KRT6A: variants seen among roughly 807,000 people sequenced by gnomAD.
The protein encoded by KRT6A is keratin, type II cytoskeletal 6A.
Under a neutral mutation model 48.6 loss-of-function variants are expected in KRT6A, and 28 were observed. That is an observed-to-expected ratio of 0.58 (90% CI 0.43 to 0.79). The LOEUF (loss-of-function observed/expected upper bound fraction) is 0.79, where lower values mean the gene tolerates loss of function less well. KRT6A is among the 30% of genes least tolerant of loss of function. KRT6A has a pLI of 0.00. For synonymous variants in KRT6A, 301 were observed against 294.2 expected, an observed-to-expected ratio of 1.02 and a Z score of -0.24; for missense variants, 687 against 724.3, an observed-to-expected ratio of 0.95 and a Z score of 0.59.
rs1289282820 is a variant in KRT6A, at chr12:52,488,548, A to C, written c.1204T>G (p.Cys402Gly). The part of the protein sequence containing the change: ...RSEIDHVKKQ[C>G]ANLQAAIADA... The stretch of plus-strand genomic sequence containing the variant: ...GCAATGGCGGCCTGCAGGTTGGCGC[A>C]CTGGAAGAGGAAAGGAATAGAAGAA... The change falls in exon 7 of 9, where the codon TGC becomes GGC. Residue 402 changes from cysteine (C) to glycine (G), a missense_variant and splice_region_variant. Cys to Gly is a radical substitution (Grantham distance 159). Transcript: ENST00000330722. 2 of 1,614,038 alleles carry C rather than the reference A, an allele frequency of 1.2e-6. No homozygotes were observed. Among genetic ancestry groups the C allele is most frequent in the Non-Finnish European group, 1.7e-6 (2 of 1,180,030 alleles).
Position 52,492,699 on chromosome 12 carries a change from G to T in KRT6A, c.490C>A (p.Arg164Ser). The T allele has an allele frequency of 1.2e-6, 2 of 1,614,014 alleles. No individual in the cohort carries two copies. Among genetic ancestry groups the T allele is most frequent in the Non-Finnish European group, 1.7e-6 (2 of 1,179,956 alleles). Reference sequence around the variant, plus strand: ...TTGTTGAGGGTCTTGATCTGTTCACGCTCCTCAGCCCGCACCCGCTGGATG... The same window carrying T: ...TTGTTGAGGGTCTTGATCTGTTCACTCTCCTCAGCCCGCACCCGCTGGATG... ...PTIQRVRAEE[R>S]EQIKTLNNKF... Residue 164 changes from arginine to serine, a missense_variant, in exon 1 of 9, where the codon CGT (arginine) becomes AGT (serine). Arg to Ser is a moderately radical substitution (Grantham distance 110). Around this residue, in one of 3 missense-constraint regions of KRT6A, gnomAD observed 566 missense variants for 565.3 expected, o/e 1.00. Coordinates refer to ENST00000330722, the MANE Select transcript of KRT6A (RefSeq NM_005554.4).
At position 52,491,103 on chromosome 12, in the gene KRT6A, T is replaced by C. The variant is rs1430908926; in HGVS notation, c.816+9A>G. On this transcript the variant is annotated intron_variant, in intron 3 of 8. Coordinates refer to ENST00000330722, the MANE Select transcript of KRT6A (RefSeq NM_005554.4). ...AAATGAATTTGAACCCCCGGCTTCA[T>C]CTGCTCACCTTCTTCAGAGTCACAA... 6.2e-7 allele frequency: 1 copy of C among 1,613,866 alleles called. No individual in the cohort carries two copies. The highest frequency in any genetic ancestry group is 1.3e-5 in the African/African-American group (1 of 74,916).
chr12:52,492,772 G>C lies in KRT6A; in HGVS notation c.417C>G (p.Thr139=), dbSNP rs1707768. The part of the protein sequence containing the change: ...VCPPGGIQEV[T]VNQSLLTPLN... ...GGGGAGTCAGGAGACTCTGGTTGAC[G>C]GTGACCTCTTGGATGCCTCCAGGGG... The change falls in exon 1 of 9, where the codon ACC becomes ACG. Residue 139 remains threonine, a synonymous_variant. Coordinates refer to ENST00000330722, the MANE Select transcript of KRT6A (RefSeq NM_005554.4). 6.2e-7 allele frequency: 1 copy of C among 1,613,374 alleles called. No individual in the cohort carries two copies. The highest frequency in any genetic ancestry group is 8.5e-7 in the Non-Finnish European group (1 of 1,179,682).
chr12:52,489,840 T>G, intron 6 of KRT6A, 103 bp downstream of exon 6: 1 of 1,587,798 alleles, frequency 6.3e-7, no homozygotes, highest in Non-Finnish European at 8.6e-7. Context: ...CTCCTCTCCC[T>G]GGTTTTGATA....
intron 5 of KRT6A, chr12:52,490,366 G>T: frequency 2.0e-6 from 2 of 991,270 alleles, no homozygotes; most frequent in Non-Finnish European, 3.0e-6. Context: ...CCTTGTCTAT[G>T]GTAGCTTTCC....
intron 6 of KRT6A, among the ~76,000 whole-genome samples, chr12:52,489,340 G>A (rs1311655689): frequency 3.3e-5 from 5 of 152,020 alleles, no homozygotes; most frequent in Admixed American, 2.6e-4. Context: ...GTGCAGTGGC[G>A]CGGTATCGAC....
chr12:52,487,840 A>G lies in KRT6A; in HGVS notation c.1575T>C (p.Gly525=), dbSNP rs1053718. Reference sequence around the variant, plus strand: ...CTCTGCCACTGCTGGAACTGAAGCCACCTCCAACGCCAAGACCACTGCCAT... The same window carrying G: ...CTCTGCCACTGCTGGAACTGAAGCCGCCTCCAACGCCAAGACCACTGCCAT... ...YSYGSGLGVG[G]GFSSSSGRAI... Residue 525 remains glycine, a synonymous_variant, in exon 9 of 9, where the codon GGT becomes GGC. Coordinates refer to ENST00000330722, the MANE Select transcript of KRT6A (RefSeq NM_005554.4). 16 of 1,613,980 alleles carry G rather than the reference A, an allele frequency of 9.9e-6. No individual in the cohort carries two copies. The highest frequency in any genetic ancestry group is 1.4e-5 in the Non-Finnish European group (16 of 1,179,900).
intron 4 of KRT6A, 53 bp downstream of exon 4, chr12:52,490,805 C>T (rs1378105030): frequency 6.2e-7 from 1 of 1,613,930 alleles, no homozygotes; most frequent in Non-Finnish European, 8.5e-7. Flanking sequence ...TATACATCTT[C>T]TCCCCTTTGC....
chr12:52,491,817 G>T, intron 1 of KRT6A, 81 bp from the exon 2 acceptor site: 1 of 1,565,312 alleles, frequency 6.4e-7, no homozygotes, highest in East Asian at 2.3e-5. Flanking sequence ...TGGCAGGTCC[G>T]GGAGGTTCCC....
chr12:52,489,846 T>A (rs1938225604), intron 6 of KRT6A, 97 bp downstream of exon 6: 3 of 1,597,322 alleles, frequency 1.9e-6, no homozygotes, highest in Non-Finnish European at 2.6e-6. Flanking sequence ...TCCCTGGTTT[T>A]GATAAGTTCC....
chr12:52,488,681 A>AT, intron 6 of KRT6A, 133 bp from the exon 7 acceptor site: 10 of 1,158,944 alleles, frequency 8.6e-6, no homozygotes, highest in South Asian at 4.2e-5. Flanking sequence ...CTTCCTATCT[A>AT]TTGTTTTTTT....
Position 52,487,753 on chromosome 12 carries a change from G to A in KRT6A, c.1662C>T (p.Thr554=). The change falls in exon 9 of 9, where the codon ACC becomes ACT. Residue 554 remains threonine, a synonymous_variant. Coordinates refer to ENST00000330722, the MANE Select transcript of KRT6A (RefSeq NM_005554.4). ...GGSSTIKYTT[T]SSSSRKSYKH ...TATAGCTCTTCCTGCTGGAGGAGGA[G>A]GTGGTGGTGTACTTGATGGTGGAAC... The A allele has an allele frequency of 1.2e-6, 2 of 1,614,138 alleles. No individual in the cohort carries two copies. The highest frequency in any genetic ancestry group is 1.7e-6 in the Non-Finnish European group (2 of 1,180,006).
chr12:52,490,610 G>C lies in KRT6A; in HGVS notation c.1036C>G (p.Gln346Glu), dbSNP rs772746386. Reference protein sequence around the residue: ...EVKAQYEEIAQRSRAEAESWY... With the variant: ...EVKAQYEEIAERSRAEAESWY... ...GACTCAGCCTCAGCCCGGCTTCTCT[G>C]AGCAATCTCCTCATATTGGGCCTTG... is the stretch of plus-strand genomic sequence containing the variant. The change falls in exon 5 of 9, where the codon CAG becomes GAG. Residue 346 changes from glutamine (Q) to glutamate (E), a missense_variant. This residue lies in a region of KRT6A where 566 missense variants were observed against 565.3 expected (regional missense o/e 1.00). Transcript: ENST00000330722. The C allele has an allele frequency of 1.2e-6, 2 of 1,614,158 alleles. No individual in the cohort carries two copies. Among genetic ancestry groups the C allele is most frequent in the Admixed American group, 3.3e-5 (2 of 60,022 alleles).
Position 52,490,733 on chromosome 12 carries a change from C to A in KRT6A, c.913G>T (p.Glu305Ter). 6.2e-7 allele frequency: 1 copy of A among 1,614,216 alleles called. No homozygotes were observed. The highest frequency in any genetic ancestry group is 8.5e-7 in the Non-Finnish European group (1 of 1,180,038). The part of the protein sequence containing the change: ...INFLRALYDA[E>*]LSQMQTHISD... Reference sequence around the variant, plus strand: ...ATGTGGGTCTGCATCTGGGACAGCTCCTGCAGAACAGAAGGTCATAAGATC... The same window carrying A: ...ATGTGGGTCTGCATCTGGGACAGCTACTGCAGAACAGAAGGTCATAAGATC... The change falls in exon 5 of 9, where the codon GAG becomes TAG. Residue 305 changes from glutamate (E) to a stop codon, truncating the protein, a stop_gained and splice_region_variant. Transcript: ENST00000330722. LOFTEE classifies it high-confidence loss of function.
chr12:52,489,036 C>T (rs577620761), intron 6 of KRT6A, among the ~76,000 whole-genome samples: 3 of 152,338 alleles, frequency 2.0e-5, no homozygotes, highest in East Asian at 3.9e-4. Context: ...CCTCTACTCT[C>T]TCTTTCACCT....
chr12:52,489,487 G>C (rs1329408998), intron 6 of KRT6A, among the ~76,000 whole-genome samples: 1 of 152,018 alleles, frequency 6.6e-6, no homozygotes, highest in Non-Finnish European at 1.5e-5. Context: ...CACCATGTTG[G>C]TCAGGCTTGT....
chr12:52,489,840 T>C, intron 6 of KRT6A, 103 bp downstream of exon 6: 1 of 1,587,798 alleles, frequency 6.3e-7, no homozygotes. Flanking sequence ...CTCCTCTCCC[T>C]GGTTTTGATA....
chr12:52,488,784 C>T (rs1565585591), intron 6 of KRT6A, among the ~76,000 whole-genome samples: 1 of 152,086 alleles, frequency 6.6e-6, no homozygotes, highest in Non-Finnish European at 1.5e-5. Flanking sequence ...TGGATATTTA[C>T]TAATGGGAGA....
rs773265329 is a variant in KRT6A at position 52,490,796 on chromosome 12, A to G, written c.912+62T>C. 28 of 1,613,934 alleles carry G rather than the reference A, an allele frequency of 1.7e-5. No individual in the cohort carries two copies. In the East Asian group the frequency reaches 4.0e-4, roughly 23 times the overall value. On this transcript the variant is annotated intron_variant, in intron 4 of 8. Transcript: ENST00000330722. ...GATATTTACAGAGATACCCAACCCTATACATCTTCTCCCCTTTGCAGACCC... is the reference window on the plus strand; with the variant it reads ...GATATTTACAGAGATACCCAACCCTGTACATCTTCTCCCCTTTGCAGACCC...
Sources: allele counts gnomAD v4.1 joint callset (sites outside exome capture counted in the v4.1 genomes callset), GRCh38; gene constraint gnomAD v4.1.1; regional missense constraint gnomAD v4.1.1; transcripts MANE v1.5; gene names NCBI Gene and HGNC (gene_info 2026-07-23, HGNC 2026-07-21).